TSPAN31: variants seen among roughly 807,000 people sequenced by gnomAD.
The protein encoded by TSPAN31 is tetraspanin 31.
Under a neutral mutation model 24.8 loss-of-function variants are expected in TSPAN31, and 16 were observed. The observed-to-expected ratio is 0.64, with a 90% confidence interval of 0.44 to 0.98. TSPAN31 has a LOEUF of 0.98. Among genes scored for constraint, TSPAN31 ranks in the 50% least tolerant of loss-of-function variants. The pLI is 0.00. For missense variants in TSPAN31, 209 were observed against 251.6 expected, an observed-to-expected ratio of 0.83 and a Z score of 1.15; for synonymous variants, 87 against 91.4, an observed-to-expected ratio of 0.95 and a Z score of 0.27.
chr12:57,746,375 G>A, intron 3 of TSPAN31, 119 bp downstream of exon 3: 1 of 1,160,338 alleles, frequency 8.6e-7, no homozygotes, highest in Non-Finnish European at 1.3e-6. Flanking sequence ...ACTGCTTCTG[G>A]CCTCTTGGGC....
Position 57,747,559 on chromosome 12 carries a change from ATT to A in TSPAN31, c.*270_*271del, listed in dbSNP as rs756288876. On this transcript the variant is annotated 3_prime_UTR_variant, in exon 6 of 6. Coordinates refer to ENST00000257910, the MANE Select transcript of TSPAN31 (RefSeq NM_005981.5). ...AGTGCATAGGATGGGGGCTGGAGTC[ATT>A]CTTAGCTGTTTCCCTTCCTCTGTCC... 4 of 385,468 alleles carry A rather than the reference ATT, an allele frequency of 1.0e-5. No individual in the cohort carries two copies. The highest frequency in any genetic ancestry group is 1.4e-5 in the Non-Finnish European group (3 of 211,144). 23.9% of individuals were successfully genotyped at this position (385,468 alleles called of 1,614,324 possible).
At position 57,749,057 on chromosome 12, in the gene TSPAN31, A is replaced by G; in HGVS notation, c.*1767A>G. 1 of 1,233,146 alleles carries G rather than the reference A, an allele frequency of 8.1e-7. No homozygotes were observed. Among genetic ancestry groups the G allele is most frequent in the Non-Finnish European group, 1.2e-6 (1 of 834,916 alleles). 76.4% of individuals were successfully genotyped at this position (1,233,146 alleles called of 1,614,324 possible). ...TCTGTGGGTGGCTATTTGCAGCTGTAATAAAAACTACAGCCCATCTACCAA... is the reference window on the plus strand; with the variant it reads ...TCTGTGGGTGGCTATTTGCAGCTGTGATAAAAACTACAGCCCATCTACCAA... On this transcript the variant is annotated 3_prime_UTR_variant, in exon 6 of 6. Coordinates refer to ENST00000257910, the MANE Select transcript of TSPAN31 (RefSeq NM_005981.5).
At position 57,748,262 on chromosome 12, in the gene TSPAN31, C is replaced by A; in HGVS notation, c.*972C>A. 2 of 383,702 alleles carry A rather than the reference C, an allele frequency of 5.2e-6. No individual in the cohort carries two copies. Among genetic ancestry groups the A allele is most frequent in the Non-Finnish European group, 9.6e-6 (2 of 207,596 alleles). 23.8% of individuals were successfully genotyped at this position (383,702 alleles called of 1,614,324 possible). A position where few individuals can be genotyped will look rare whatever the true frequency, so the allele number is the denominator to read the frequency against. ...ACCATTATTTCTTTGTTTTGTTTTT[C>A]CTGTATAAAAAAGGACCCCAAATAT... On this transcript the variant is annotated 3_prime_UTR_variant, in exon 6 of 6. Coordinates refer to ENST00000257910, the MANE Select transcript of TSPAN31 (RefSeq NM_005981.5).
rs1337733021 is a variant in TSPAN31, at chr12:57,745,276, T to C, written c.63+59T>C. 30 of 1,506,342 alleles carry C rather than the reference T, an allele frequency of 2.0e-5. No homozygotes were observed. In the South Asian group the frequency reaches 3.3e-4, roughly 16 times the overall value. 93.3% of individuals were successfully genotyped at this position (1,506,342 alleles called of 1,614,324 possible). A position where few individuals can be genotyped will look rare whatever the true frequency, so the allele number is the denominator to read the frequency against. Reference sequence around the variant, plus strand: ...GGAAAGGCCCCGTGGGGAGAATCTCTAGGGTACTTCCGGTGGGGAGAGGGG... The same window carrying C: ...GGAAAGGCCCCGTGGGGAGAATCTCCAGGGTACTTCCGGTGGGGAGAGGGG... On this transcript the variant is annotated intron_variant, in intron 1 of 5. Transcript: ENST00000257910.
rs1389373789 is a variant in TSPAN31 at position 57,747,342 on chromosome 12, T to C, written c.*52T>C. On this transcript the variant is annotated 3_prime_UTR_variant, in exon 6 of 6. Transcript: ENST00000257910. Reference sequence around the variant, plus strand: ...CTGCTCTCTCTAAGCTTTCTCTTCCTCCCTTAGGGAATATCTAGGGTCTGT... The same window carrying C: ...CTGCTCTCTCTAAGCTTTCTCTTCCCCCCTTAGGGAATATCTAGGGTCTGT... 6 of 1,547,006 alleles carry C rather than the reference T, an allele frequency of 3.9e-6. No homozygotes were observed. In the African/African-American group the frequency reaches 6.8e-5, roughly 18 times the overall value.
In TSPAN31 at chr12:57,746,411, T is replaced by C. The variant is rs779549956; in HGVS notation, c.312+155T>C. On this transcript the variant is annotated intron_variant, in intron 3 of 5. Transcript: ENST00000257910. ...TATTTGCTTCCTCTGGGATGTCTGG[T>C]TAATTTTCCATGAGGATGATCTAGA... 9 of 1,133,278 alleles carry C rather than the reference T, an allele frequency of 7.9e-6. No individual in the cohort carries two copies. The Admixed American group carries it at 1.6e-4, about 20-fold the overall frequency. 70.2% of individuals were successfully genotyped at this position (1,133,278 alleles called of 1,614,324 possible). A position where few individuals can be genotyped will look rare whatever the true frequency, so the allele number is the denominator to read the frequency against.
At position 57,747,234 on chromosome 12, in the gene TSPAN31, G is replaced by A. The variant is rs1955167603; in HGVS notation, c.577G>A (p.Ala193Thr). 6.2e-7 allele frequency: 1 copy of A among 1,614,072 alleles called. No homozygotes were observed. The highest frequency in any genetic ancestry group is 1.3e-5 in the African/African-American group (1 of 74,922). The part of the protein sequence containing the change: ...SFTEILGVWL[A>T]MRFRNQKDPR... ...CCTACAGATCCTTGGTGTTTGGCTA[G>A]CAATGAGATTTCGGAATCAGAAGGA... is the stretch of plus-strand genomic sequence containing the variant. Residue 193 changes from alanine (A) to threonine (T), a missense_variant, in exon 6 of 6, where the codon GCA (alanine) becomes ACA (threonine). Coordinates refer to ENST00000257910, the MANE Select transcript of TSPAN31 (RefSeq NM_005981.5).
rs1279799518 is a variant in TSPAN31 at position 57,745,294 on chromosome 12, G to A, written c.63+77G>A. The A allele has an allele frequency of 7.3e-6, 11 of 1,506,180 alleles. No homozygotes were observed. The South Asian group carries it at 1.2e-4, about 16-fold the overall frequency. The allele number at this position is 1,506,180 out of a possible 1,614,324, so 93.3% of individuals were successfully genotyped here. ...GAATCTCTAGGGTACTTCCGGTGGGGAGAGGGGTGTATGGGGGTTCCGGGA... is the reference window on the plus strand; with the variant it reads ...GAATCTCTAGGGTACTTCCGGTGGGAAGAGGGGTGTATGGGGGTTCCGGGA... On this transcript the variant is annotated intron_variant, in intron 1 of 5. Coordinates refer to ENST00000257910, the MANE Select transcript of TSPAN31 (RefSeq NM_005981.5).
rs1407043580 is a variant in TSPAN31, at chr12:57,746,705, T to C, written c.429T>C (p.Tyr143=). 2 of 1,614,182 alleles carry C rather than the reference T, an allele frequency of 1.2e-6. No individual in the cohort carries two copies. The highest frequency in any genetic ancestry group is 2.2e-5 in the East Asian group (1 of 44,888). ...FNLTTLYQQD[Y]DFCTAICKSQ... ...TCACAACCCTGTATCAACAAGATTA[T>C]GATTTCTGCACTGCAGTGAGTGTGT... is the stretch of plus-strand genomic sequence containing the variant. Residue 143 remains tyrosine (Y), a synonymous_variant, in exon 4 of 6, where the codon TAT becomes TAC. Coordinates refer to ENST00000257910, the MANE Select transcript of TSPAN31 (RefSeq NM_005981.5).
chr12:57,749,374 G>T lies in TSPAN31; in HGVS notation c.*2084G>T, dbSNP rs929586073. 4 of 1,613,458 alleles carry T rather than the reference G, an allele frequency of 2.5e-6. No individual in the cohort carries two copies. Among genetic ancestry groups the T allele is most frequent in the Non-Finnish European group, 3.4e-6 (4 of 1,179,394 alleles). On this transcript the variant is annotated 3_prime_UTR_variant, in exon 6 of 6. Transcript: ENST00000257910. ...GGTCCTCCAGTTCCCATCCCCATGG[G>T]CAGAGCCAGTTGCCATCCTGGGTTC...
Position 57,746,112 on chromosome 12 carries a change from A to G in TSPAN31, c.232-64A>G, listed in dbSNP as rs76635540. The G allele has an allele frequency of 3.7e-4, 554 of 1,500,366 alleles. 4 individuals are homozygous for G. The African/African-American group carries it at 6.3e-3, about 17-fold the overall frequency. The allele number at this position is 1,500,366 out of a possible 1,614,324, so 92.9% of individuals were successfully genotyped here. On this transcript the variant is annotated intron_variant, in intron 2 of 5. Coordinates refer to ENST00000257910, the MANE Select transcript of TSPAN31 (RefSeq NM_005981.5). The stretch of plus-strand genomic sequence containing the variant: ...GTAAGTTCTATGAACAGATGAGACC[A>G]GACAGTTATTATAGATGAAACATAA...
chr12:57,746,066 C>T (rs180764967), intron 2 of TSPAN31, 110 bp from the exon 3 acceptor site: 72 of 1,436,950 alleles, frequency 5.0e-5, no homozygotes, highest in Admixed American at 4.3e-4. Flanking sequence ...GATTTTATTG[C>T]TTTCAATTTG....
Position 57,747,249 on chromosome 12 carries a change from A to G in TSPAN31, c.592A>G (p.Asn198Asp). 1 of 1,614,154 alleles carries G rather than the reference A, an allele frequency of 6.2e-7. No homozygotes were observed. Among genetic ancestry groups the G allele is most frequent in the East Asian group, 2.2e-5 (1 of 44,882 alleles). ...LGVWLAMRFR[N>D]QKDPRANPSA... is the part of the protein sequence containing the mutation. ...TGTTTGGCTAGCAATGAGATTTCGG[A>G]ATCAGAAGGATCCTAGAGCCAACCC... The change falls in exon 6 of 6, where the codon AAT becomes GAT. Residue 198 changes from asparagine (N) to aspartate (D), a missense_variant. Physicochemically the swap from Asn to Asp is conservative, Grantham distance 23 (BLOSUM62 1). Coordinates refer to ENST00000257910, the MANE Select transcript of TSPAN31 (RefSeq NM_005981.5).
In TSPAN31 at chr12:57,749,575, G is replaced by T; in HGVS notation, c.*2285G>T. ...CTTAGTTGAATGGTTACTGCTTAGT[G>T]GCTCAAAATAGGAAGTATAGGGAAT... On this transcript the variant is annotated 3_prime_UTR_variant, in exon 6 of 6. Transcript: ENST00000257910. The T allele has an allele frequency of 6.9e-7, 1 of 1,444,560 alleles. No individual in the cohort carries two copies. Among genetic ancestry groups the T allele is most frequent in the Non-Finnish European group, 9.7e-7 (1 of 1,028,566 alleles). 89.5% of individuals were successfully genotyped at this position (1,444,560 alleles called of 1,614,324 possible). A position where few individuals can be genotyped will look rare whatever the true frequency, so the allele number is the denominator to read the frequency against.
rs760565620 is a variant in TSPAN31 at position 57,745,942 on chromosome 12, CG to C, written c.231+35del. The C allele has an allele frequency of 3.8e-6, 6 of 1,568,638 alleles. No individual in the cohort carries two copies. The Admixed American group carries it at 1.2e-4, about 30-fold the overall frequency. On this transcript the variant is annotated intron_variant, in intron 2 of 5. Coordinates refer to ENST00000257910, the MANE Select transcript of TSPAN31 (RefSeq NM_005981.5). Reference sequence around the variant, plus strand: ...CCTGACCTGAAGTGATGGGGGCAACCGGGGGCTTGGGAGGGCTGTCATCTAA... The same window carrying C: ...CCTGACCTGAAGTGATGGGGGCAACCGGGGCTTGGGAGGGCTGTCATCTAA...
chr12:57,746,125 A>G, intron 2 of TSPAN31, 51 bp from the exon 3 acceptor site: 1 of 1,532,036 alleles, frequency 6.5e-7, no homozygotes, highest in Non-Finnish European at 9.0e-7. Context: ...CAGTTATTAT[A>G]GATGAAACAT....
Position 57,749,703 on chromosome 12 carries a change from T to A in TSPAN31, c.*2413T>A, listed in dbSNP as rs527728639. The A allele has an allele frequency of 1.9e-4, 115 of 621,308 alleles. 1 individual carries two copies. Among genetic ancestry groups the A allele is most frequent in the South Asian group, 5.9e-4 (31 of 52,856 alleles). 38.5% of individuals were successfully genotyped at this position (621,308 alleles called of 1,614,324 possible). On this transcript the variant is annotated 3_prime_UTR_variant, in exon 6 of 6. Transcript: ENST00000257910. ...GCAAGCAAGACCTTGTCTCTTTTTT[T>A]AAAAAAAAAGAAATGCCAGGTGCAG...
rs1955192681 is a variant in TSPAN31, at chr12:57,748,793, C to T, written c.*1503C>T. On this transcript the variant is annotated 3_prime_UTR_variant, in exon 6 of 6. Transcript: ENST00000257910. ...TGATCTCAGCTCACTGCAACCTCCGCCTCCTGAGTTGAAGTGATTCTCCTA... is the reference window on the plus strand; with the variant it reads ...TGATCTCAGCTCACTGCAACCTCCGTCTCCTGAGTTGAAGTGATTCTCCTA... The T allele has an allele frequency of 3.3e-6, 2 of 598,834 alleles. No individual in the cohort carries two copies. Among genetic ancestry groups the T allele is most frequent in the Non-Finnish European group, 6.0e-6 (2 of 335,642 alleles). The allele number at this position is 598,834 out of a possible 1,614,324, so 37.1% of individuals were successfully genotyped here.
In TSPAN31 at chr12:57,749,278, A is replaced by C. The variant is rs1595108790; in HGVS notation, c.*1988A>C. ...GAAAGGCTCCACGGGGCAGGGATAC[A>C]TCTCGAGGCCAGTCATCCTCTGGAG... On this transcript the variant is annotated 3_prime_UTR_variant, in exon 6 of 6. Coordinates refer to ENST00000257910, the MANE Select transcript of TSPAN31 (RefSeq NM_005981.5). 8.1e-6 allele frequency: 13 copies of C among 1,614,114 alleles called. No individual in the cohort carries two copies. The highest frequency in any genetic ancestry group is 1.1e-5 in the Non-Finnish European group (13 of 1,179,998).
Sources: allele counts gnomAD v4.1 joint callset, GRCh38; gene constraint gnomAD v4.1.1; transcripts MANE v1.5; gene names NCBI Gene and HGNC (gene_info 2026-07-23, HGNC 2026-07-21).